The following ATP5MK variants were observed in gnomAD, a reference collection of about 807,000 sequenced individuals.
ATP5MK encodes the protein ATP synthase membrane subunit k.
Under a neutral mutation model 6.6 loss-of-function variants are expected in ATP5MK, and 5 were observed. The observed-to-expected ratio is 0.76, with a 90% CI of 0.40 to 1.60. The LOEUF (loss-of-function observed/expected upper bound fraction) is 1.60, where lower values mean the gene tolerates loss of function less well. Ranked by LOEUF, ATP5MK falls within the 40% of genes most tolerant of loss-of-function variation. ATP5MK has a pLI of 0.02. For synonymous variants in ATP5MK, 30 were observed against 24.5 expected (o/e 1.22, Z -0.66); for missense variants, 57 against 66.6 (o/e 0.86, Z 0.50).
chr10:103,389,806 A>T (rs1321297089), intron 4 of ATP5MK, among the ~76,000 whole-genome samples: 1 of 151,800 alleles, frequency 6.6e-6, no homozygotes, highest in Non-Finnish European at 1.5e-5. Flanking sequence ...ATCTCGGCTC[A>T]CTGCAACCTC....
chr10:103,395,487 G>A (rs1022799706), intron 2 of ATP5MK, among the ~76,000 whole-genome samples: 4 of 151,866 alleles, frequency 2.6e-5, no homozygotes, highest in Non-Finnish European at 5.9e-5. Flanking sequence ...TGGTAGGGAC[G>A]GGGTTTCACC....
intron 1 of ATP5MK, 111 bp from the exon 2 acceptor site, chr10:103,396,143 G>A (rs957209632): frequency 2.0e-5 from 3 of 152,318 alleles, no homozygotes; most frequent in African/African-American, 7.2e-5. Flanking sequence ...GCTTCGCGGA[G>A]GGCCTCATTT....
At chr10:103,392,535 C>T in intron 2 of ATP5MK, 69 bp from the exon 3 acceptor site, 2 of 1,260,360 alleles carry the variant, frequency 1.6e-6, no homozygotes, top group East Asian at 2.4e-5. Flanking sequence ...TAAATTTTGT[C>T]TTGTTTTAGT....
chr10:103,394,520 T>A (rs1375724902), intron 2 of ATP5MK: 2 of 355,334 alleles, frequency 5.6e-6, no homozygotes. Flanking sequence ...TTGAGAAAAA[T>A]GACCTTAATT....
chr10:103,389,302 A>ATT (rs2093406317), intron 4 of ATP5MK, 136 bp from the exon 5 acceptor site: 3 of 152,204 alleles, frequency 2.0e-5, no homozygotes, highest in Admixed American at 1.3e-4. Context: ...AACACCAAAA[A>ATT]AATTAAAGTG....
At chr10:103,390,149 C>T (rs897894622) in intron 4 of ATP5MK, among the ~76,000 whole-genome samples, 4 of 152,248 alleles carry the variant, frequency 2.6e-5, no homozygotes, top group South Asian at 2.1e-4. Flanking sequence ...ACTGCATTCT[C>T]GGATATGCAC....
At chr10:103,392,679 G>A (rs2093418113) in intron 2 of ATP5MK, among the ~76,000 whole-genome samples, 1 of 152,114 alleles carries the variant, frequency 6.6e-6, no homozygotes, top group African/African-American at 2.4e-5. Flanking sequence ...TACCTTGATC[G>A]CTATTTCATG....
intron 4 of ATP5MK, among the ~76,000 whole-genome samples, chr10:103,390,530 T>A (rs986954249): frequency 6.6e-6 from 1 of 151,782 alleles, no homozygotes; most frequent in Admixed American, 6.6e-5. Context: ...GGCTCACACC[T>A]GTAATCCCAA....
chr10:103,392,528 ATT>A, intron 2 of ATP5MK, 62 bp from the exon 3 acceptor site: 1 of 1,343,370 alleles, frequency 7.4e-7, no homozygotes, highest in East Asian at 2.4e-5. Context: ...AAGTAAATAA[ATT>A]TTGTCTTGTT....
chr10:103,391,138 CA>C (rs1175198090), intron 4 of ATP5MK, among the ~76,000 whole-genome samples: 1 of 151,924 alleles, frequency 6.6e-6, no homozygotes, highest in Non-Finnish European at 1.5e-5. Context: ...CTTCAAAAAG[CA>C]AAAAACACAA....
chr10:103,394,318 C>T (rs953336177), intron 2 of ATP5MK: 2 of 533,992 alleles, frequency 3.7e-6, no homozygotes, highest in Admixed American at 1.9e-5. Context: ...GACGCCACGC[C>T]GAGTCGATTG....
chr10:103,391,537 T>G (rs966766324), intron 4 of ATP5MK, among the ~76,000 whole-genome samples: 17 of 152,176 alleles, frequency 1.1e-4, no homozygotes, highest in African/African-American at 4.1e-4. Context: ...GACAAAGTCT[T>G]GCTCTTGTCC....
chr10:103,394,238 A>G (rs746972804), intron 2 of ATP5MK: 1 of 524,358 alleles, frequency 1.9e-6, no homozygotes, highest in Non-Finnish European at 4.0e-6. Flanking sequence ...TTTATAGACA[A>G]GACGTATTCA....
chr10:103,390,614 C>G (rs973973187), intron 4 of ATP5MK, among the ~76,000 whole-genome samples: 4 of 152,114 alleles, frequency 2.6e-5, no homozygotes, highest in African/African-American at 9.7e-5. Context: ...CACGGTGAAA[C>G]CCCGTCTCTA....
intron 2 of ATP5MK, among the ~76,000 whole-genome samples, chr10:103,393,601 ATAAAAAATAAATAAAC>A (rs1414009681): frequency 2.5e-4 from 38 of 152,034 alleles, no homozygotes; most frequent in Non-Finnish European, 5.0e-4. Context: ...AAATAAATAA[ATAAAAAATAAATAAAC>A]TGGTACAACC....
chr10:103,393,598 TAAATAAA>T (rs1253246810), intron 2 of ATP5MK, among the ~76,000 whole-genome samples: 1 of 150,544 alleles, frequency 6.6e-6, no homozygotes, highest in African/African-American at 2.4e-5. Flanking sequence ...AAAAAATAAA[TAAATAAA>T]AAATAAATAA....
chr10:103,390,790 C>CA (rs879504860), intron 4 of ATP5MK, among the ~76,000 whole-genome samples: 1,654 of 140,558 alleles, frequency 0.012, 32 homozygotes, highest in African/African-American at 0.04. Context: ...AACTCCATCT[C>CA]AAAAAAAAAA....
rs761536661 is a variant in ATP5MK, at chr10:103,392,183, C to T, written c.*3+8G>A. 6 of 1,596,782 alleles carry T rather than the reference C, an allele frequency of 3.8e-6. 1 individual carries two copies. Among genetic ancestry groups the T allele is most frequent in the South Asian group, 3.4e-5 (3 of 88,946 alleles). ...TAAATTATAAAGGTTTAAATGTCAA[C>T]TTCTTACCATTTATGTTGCTTTCAC... On this transcript the variant is annotated splice_region_variant and intron_variant, in intron 4 of 4. Coordinates refer to ENST00000369815, the MANE Select transcript of ATP5MK (RefSeq NM_001206427.2).
intron 4 of ATP5MK, among the ~76,000 whole-genome samples, chr10:103,390,631 A>T (rs929875889): frequency 5.3e-5 from 8 of 152,150 alleles, no homozygotes; most frequent in Non-Finnish European, 4.4e-5. Context: ...TCTACTAAAA[A>T]TACAAAAAAA....
Sources: gnomAD v4.1 joint callset for allele counts (sites outside exome capture counted in the v4.1 genomes callset) on GRCh38, gnomAD v4.1.1 for gene constraint, MANE v1.5 for transcripts, NCBI Gene and HGNC (gene_info 2026-07-23, HGNC 2026-07-21) for gene names.